The following MED24 variants were observed in gnomAD, a reference collection of about 807,000 sequenced individuals.
The protein encoded by MED24 is mediator of RNA polymerase II transcription subunit 24.
Under a neutral mutation model 118.8 loss-of-function variants are expected in MED24, and 74 were observed. That is an observed-to-expected ratio of 0.62 (90% CI 0.52 to 0.76). The LOEUF (loss-of-function observed/expected upper bound fraction) is 0.76, where lower values mean the gene tolerates loss of function less well. Ranked by LOEUF, MED24 falls within the 30% of genes least tolerant of loss-of-function variation. MED24 has a pLI of 0.00. For missense variants in MED24, 1,041 were observed against 1,278.9 expected (o/e 0.81, Z 2.84); for synonymous variants, 521 against 523.9 (o/e 0.99, Z 0.08).
intron 10 of MED24, 130 bp from the exon 11 acceptor site, chr17:40,031,750 T>C (rs1363289229): frequency 2.3e-6 from 2 of 867,968 alleles, no homozygotes; most frequent in Admixed American, 5.0e-5. Context: ...TGGGTGTATG[T>C]TGTGGGTGCA....
chr17:40,030,446 C>G (rs1182390875), intron 12 of MED24, among the ~76,000 whole-genome samples: 1 of 151,932 alleles, frequency 6.6e-6, no homozygotes, highest in Admixed American at 6.6e-5. Flanking sequence ...CAGGTGCATA[C>G]CATCGCGCCT....
At chr17:40,031,406 C>T in intron 11 of MED24, 132 bp downstream of exon 11, 2 of 1,211,222 alleles carry the variant, frequency 1.7e-6, no homozygotes, top group Non-Finnish European at 2.4e-6. Context: ...CAACTGTGGG[C>T]TCCTATTTCC....
chr17:40,023,301 T>A lies in MED24; in HGVS notation c.2080A>T (p.Thr694Ser). ...GGCAGCAGGTTCCAGTAGGGCATTG[T>A]GTCCACCCCGGTGGAGGGAAACTTG... ...QIKFPSTGVD[T>S]MPYWNLLPPK... The change falls in exon 20 of 26, where the codon ACA (threonine) becomes TCA (serine). Residue 694 changes from threonine (T) to serine (S), a missense_variant. Thr to Ser is a moderately conservative substitution (Grantham distance 58). Around this residue, in one of 3 missense-constraint regions of MED24, gnomAD observed 587 missense variants for 694.4 expected, o/e 0.85. Coordinates refer to ENST00000394128, the MANE Select transcript of MED24 (RefSeq NM_014815.4). 1 of 1,614,102 alleles carries A rather than the reference T, an allele frequency of 6.2e-7. No homozygotes were observed. The highest frequency in any genetic ancestry group is 8.5e-7 in the Non-Finnish European group (1 of 1,179,990).
chr17:40,040,879 C>T (rs1242735767), intron 3 of MED24, among the ~76,000 whole-genome samples: 1 of 152,152 alleles, frequency 6.6e-6, no homozygotes, highest in Non-Finnish European at 1.5e-5. Flanking sequence ...TCCCAAAGTG[C>T]TGGGATTACA....
Position 40,026,227 on chromosome 17 carries a change from C to T in MED24, c.1914G>A (p.Lys638=), listed in dbSNP as rs141119640. The change falls in exon 19 of 26, where the codon AAG becomes AAA. Residue 638 remains lysine, a synonymous_variant. Transcript: ENST00000394128. ...CCAGCTGGCGGATCATCTGCAGCGA[C>T]TTCTCACGCTCATCCAGCCCCAGCA... ...VRMLGLDERE[K]SLQMIRQLAG... is the part of the protein sequence containing the mutation. 33 of 1,614,106 alleles carry T rather than the reference C, an allele frequency of 2.0e-5. No individual in the cohort carries two copies. The African/African-American group carries it at 4.1e-4, about 20-fold the overall frequency.
chr17:40,031,512 G>C, intron 11 of MED24, 26 bp downstream of exon 11: 1 of 1,603,480 alleles, frequency 6.2e-7, no homozygotes, highest in South Asian at 1.1e-5. Context: ...TTCCAGTAGG[G>C]CGGGGGTGAC....
chr17:40,041,567 T>C (rs771448137), intron 3 of MED24, among the ~76,000 whole-genome samples: 40 of 152,194 alleles, frequency 2.6e-4, no homozygotes, highest in Non-Finnish European at 1.8e-4. Context: ...TATCCTCTTT[T>C]TGATACCCCA....
At chr17:40,049,036 T>C (rs1160880114) in intron 3 of MED24, among the ~76,000 whole-genome samples, 4 of 152,022 alleles carry the variant, frequency 2.6e-5, no homozygotes, top group African/African-American at 4.8e-5. Context: ...TCTCAAAATT[T>C]TGAAGACTGT....
intron 3 of MED24, among the ~76,000 whole-genome samples, chr17:40,045,404 G>A (rs1256950871): frequency 6.6e-6 from 1 of 151,090 alleles, no homozygotes; most frequent in African/African-American, 2.4e-5. Flanking sequence ...GTTGCAGTGA[G>A]CCAAGATCGT....
In MED24 at chr17:40,024,526, G is replaced by A. The variant is rs940332669; in HGVS notation, c.1986-1131C>T. 5.3e-5 allele frequency among the ~76,000 whole-genome samples: 8 copies of A among 152,022 alleles called. No homozygotes were observed. The South Asian group carries it at 6.2e-4, about 12-fold the overall frequency. ...TCCAGCCTGGGTGACAGAGCGAAAC[G>A]CCGTCTCAAAAATAAGTACATAAAT... On this transcript the variant is annotated intron_variant, in intron 19 of 25. Transcript: ENST00000394128.
chr17:40,023,689 TC>T (rs1395728456), intron 19 of MED24: 2 of 317,122 alleles, frequency 6.3e-6, no homozygotes, highest in Non-Finnish European at 5.8e-6. Context: ...TTCTCCAACT[TC>T]CCCCATCCCC....
At chr17:40,024,796 C>T (rs538003807) in intron 19 of MED24, among the ~76,000 whole-genome samples, 1 of 152,176 alleles carries the variant, frequency 6.6e-6, no homozygotes, top group Admixed American at 6.5e-5. Context: ...AGTGCAGTGG[C>T]GTGATCTCGG....
At chr17:40,037,300 A>C (rs1388097381) in intron 3 of MED24, among the ~76,000 whole-genome samples, 1 of 151,898 alleles carries the variant, frequency 6.6e-6, no homozygotes, top group African/African-American at 2.4e-5. Flanking sequence ...TCCAGAACTT[A>C]CTCCCTAGGA....
chr17:40,045,457 C>CA (rs35418289), intron 3 of MED24, among the ~76,000 whole-genome samples: 10,892 of 97,904 alleles, frequency 0.11, 1,564 homozygotes, highest in African/African-American at 0.35. Flanking sequence ...GACTTCATCT[C>CA]AAAAAAAAAA....
At chr17:40,027,779 T>C (rs564791593) in intron 15 of MED24, 130 bp downstream of exon 15, 13 of 1,022,038 alleles carry the variant, frequency 1.3e-5, no homozygotes, top group African/African-American at 4.7e-5. Context: ...GAAGCTTCCA[T>C]TGGTCATGGC....
At chr17:40,028,998 A>C in intron 13 of MED24, 30 bp from the exon 14 acceptor site, 1 of 1,613,926 alleles carries the variant, frequency 6.2e-7, no homozygotes, top group African/African-American at 1.3e-5. Context: ...TCAAGTCCTG[A>C]AGAACACTGA....
At chr17:40,023,060 C>A in intron 20 of MED24, 71 bp downstream of exon 20, 2 of 1,540,638 alleles carry the variant, frequency 1.3e-6, no homozygotes, top group South Asian at 1.3e-5. Flanking sequence ...GGAAGCCTGG[C>A]AGACCAGGCC....
Position 40,028,813 on chromosome 17 carries a change from T to C in MED24, c.1409+13A>G, listed in dbSNP as rs773823205. 1 of 1,613,226 alleles carries C rather than the reference T, an allele frequency of 6.2e-7. No homozygotes were observed. Among genetic ancestry groups the C allele is most frequent in the Admixed American group, 1.7e-5 (1 of 60,010 alleles). ...CCTGCACGCCCTGGGGTCAGGGGCT[T>C]GGCCTTCCTCACTTGATGAATTTCC... On this transcript the variant is annotated intron_variant, in intron 14 of 25. Transcript: ENST00000394128.
At chr17:40,022,305 A>C (rs1439575420) in intron 22 of MED24, 89 bp downstream of exon 22, 1 of 1,372,210 alleles carries the variant, frequency 7.3e-7, no homozygotes, top group African/African-American at 1.4e-5. Flanking sequence ...AGGGGCCACA[A>C]CTGCTTCCCT....
Sources: allele counts gnomAD v4.1 joint callset (sites outside exome capture counted in the v4.1 genomes callset), GRCh38; gene constraint gnomAD v4.1.1; regional missense constraint gnomAD v4.1.1; transcripts MANE v1.5; gene names NCBI Gene and HGNC (gene_info 2026-07-23, HGNC 2026-07-21).